Variants in RIPOR2 observed in about 807,000 individuals in gnomAD.
RIPOR2 encodes rho family-interacting cell polarization regulator 2.
In RIPOR2, 39 loss-of-function variants were observed where a neutral mutation model predicts 114.5. The observed-to-expected ratio is 0.34, with a 90% CI of 0.26 to 0.44. The LOEUF (loss-of-function observed/expected upper bound fraction) is 0.44, where lower values mean the gene tolerates loss of function less well. Ranked by LOEUF, RIPOR2 falls within the 20% of genes least tolerant of loss-of-function variation. The pLI, the probability that RIPOR2 is intolerant of heterozygous loss-of-function variation, is 1.00. For missense variants in RIPOR2, 1,007 were observed against 1,255.1 expected (o/e 0.80, Z 2.99); for synonymous variants, 445 against 484.4 (o/e 0.92, Z 1.07).
At position 24,856,529 on chromosome 6, in the gene RIPOR2, C is replaced by T. The variant is rs371492187; in HGVS notation, c.716-3911G>A. 1.3e-4 allele frequency among the ~76,000 whole-genome samples: 20 copies of T among 152,168 alleles called. 1 individual carries two copies. Among genetic ancestry groups the T allele is most frequent in the South Asian group, 1.0e-3 (5 of 4,822 alleles). ...CAGTACTTTGGGAGGCCGAGGTGGG[C>T]GGATCACCTGAGGTCAGGAGTTCGT... is the stretch of plus-strand genomic sequence containing the variant. On this transcript the variant is annotated intron_variant, in intron 8 of 21. Transcript: ENST00000643898.
upstream of RIPOR2, among the ~76,000 whole-genome samples, chr6:24,936,977 T>A (rs1048342688): frequency 6.6e-6 from 1 of 152,118 alleles, no homozygotes; most frequent in African/African-American, 2.4e-5. Context: ...AGAGAAACTG[T>A]CCCCTCCTCC....
chr6:25,014,223 T>TC (rs1246518459), intron 1 of RIPOR2, among the ~76,000 whole-genome samples: 1 of 152,188 alleles, frequency 6.6e-6, no homozygotes, highest in Non-Finnish European at 1.5e-5. Flanking sequence ...AACCGCTTGC[T>TC]TGAAGACACG....
chr6:25,025,378 C>G (rs570380218), intron 1 of RIPOR2, among the ~76,000 whole-genome samples: 1 of 152,090 alleles, frequency 6.6e-6, no homozygotes, highest in African/African-American at 2.4e-5. Flanking sequence ...TATAGAAACT[C>G]TCTGTTGAAT....
chr6:24,937,240 G>C (rs922318111), upstream of RIPOR2, among the ~76,000 whole-genome samples: 1 of 152,174 alleles, frequency 6.6e-6, no homozygotes, highest in East Asian at 1.9e-4. Flanking sequence ...CCTTAGAGGA[G>C]AGCTTGGAAA....
intron 1 of RIPOR2, among the ~76,000 whole-genome samples, chr6:25,016,867 C>A (rs987098089): frequency 5.3e-5 from 8 of 152,110 alleles, no homozygotes; most frequent in African/African-American, 1.9e-4. Flanking sequence ...GAGAAAGATC[C>A]TCTCATTGTA....
At chr6:24,852,730 C>A in intron 8 of RIPOR2, 112 bp from the exon 9 acceptor site, 1 of 763,942 alleles carries the variant, frequency 1.3e-6, no homozygotes, top group East Asian at 3.0e-5. Flanking sequence ...TGTGCAAACT[C>A]ACATAACACT....
chr6:24,979,702 G>A (rs934537686), intron 1 of RIPOR2, among the ~76,000 whole-genome samples: 1 of 152,128 alleles, frequency 6.6e-6, no homozygotes. Context: ...CATATGATGA[G>A]TTTCAATTTG....
At chr6:25,009,629 G>A (rs1431254747) in intron 1 of RIPOR2, among the ~76,000 whole-genome samples, 1 of 152,112 alleles carries the variant, frequency 6.6e-6, no homozygotes, top group Non-Finnish European at 1.5e-5. Flanking sequence ...GTAAATCAGC[G>A]GTTCAGTATG....
intron 1 of RIPOR2, among the ~76,000 whole-genome samples, chr6:25,008,999 T>C (rs1473882855): frequency 6.6e-6 from 1 of 152,252 alleles, no homozygotes; most frequent in Admixed American, 6.5e-5. Flanking sequence ...AGGACACTGA[T>C]GCAGGATGGC....
chr6:24,973,082 G>A (rs199515524), intron 1 of RIPOR2, among the ~76,000 whole-genome samples: 2 of 151,748 alleles, frequency 1.3e-5, no homozygotes, highest in Non-Finnish European at 1.5e-5. Flanking sequence ...AGAAGAGAGG[G>A]AAAAAGAAAG....
chr6:24,941,513 C>A (rs1466074439), intron 1 of RIPOR2, among the ~76,000 whole-genome samples: 1 of 152,132 alleles, frequency 6.6e-6, no homozygotes, highest in Non-Finnish European at 1.5e-5. Flanking sequence ...TAATAATAAT[C>A]AATTACTGAG....
At chr6:24,997,829 C>T (rs1341935799) in intron 1 of RIPOR2, among the ~76,000 whole-genome samples, 1 of 152,140 alleles carries the variant, frequency 6.6e-6, no homozygotes, top group African/African-American at 2.4e-5. Context: ...AAGTGTGGCC[C>T]GTGAGCAGCA....
chr6:24,849,859 A>G lies in RIPOR2; in HGVS notation c.977T>C (p.Val326Ala). The G allele has an allele frequency of 6.2e-7, 1 of 1,613,876 alleles. No homozygotes were observed. Among genetic ancestry groups the G allele is most frequent in the Non-Finnish European group, 8.5e-7 (1 of 1,179,772 alleles). Residue 326 changes from valine (V) to alanine (A), a missense_variant, in exon 11 of 22, where the codon GTG becomes GCG. Physicochemically the swap from Val to Ala is moderately conservative, Grantham distance 64. Coordinates refer to ENST00000643898, the MANE Select transcript of RIPOR2 (RefSeq NM_001286445.3). ...KELFAARPQV[V>A]AVDINDLGTI... ...ACCAAGGTCATTGATGTCGACAGCCACTACCTGAGGTCGGGCTGCAAACAG... is the reference window on the plus strand; with the variant it reads ...ACCAAGGTCATTGATGTCGACAGCCGCTACCTGAGGTCGGGCTGCAAACAG...
intron 1 of RIPOR2, among the ~76,000 whole-genome samples, chr6:25,033,297 T>C (rs1439545634): frequency 2.0e-5 from 3 of 152,224 alleles, no homozygotes; most frequent in African/African-American, 7.2e-5. Context: ...TCTATTAACA[T>C]CATTGTTTAT....
intron 1 of RIPOR2, among the ~76,000 whole-genome samples, chr6:24,922,587 C>T (rs1030204367): frequency 1.3e-5 from 2 of 151,816 alleles, no homozygotes; most frequent in African/African-American, 4.8e-5. Flanking sequence ...GGGCCAGGCA[C>T]GGTGGCTCAC....
chr6:24,931,024 T>C (rs1771350760), intron 1 of RIPOR2, among the ~76,000 whole-genome samples: 2 of 152,252 alleles, frequency 1.3e-5, no homozygotes. Flanking sequence ...CTCTTACTTT[T>C]TCCATGGAGG....
intron 6 of RIPOR2, among the ~76,000 whole-genome samples, chr6:24,866,213 CA>C (rs1377449063): frequency 6.6e-6 from 1 of 152,032 alleles, no homozygotes; most frequent in Admixed American, 6.6e-5. Context: ...GTGACAATTA[CA>C]AAAAAATAAA....
At chr6:24,961,104 A>G (rs974185392) in intron 1 of RIPOR2, among the ~76,000 whole-genome samples, 1 of 152,190 alleles carries the variant, frequency 6.6e-6, no homozygotes, top group Non-Finnish European at 1.5e-5. Context: ...AAACACCACC[A>G]TCCTCAGTAA....
At chr6:24,983,355 T>C (rs949195168) in intron 1 of RIPOR2, among the ~76,000 whole-genome samples, 2 of 152,146 alleles carry the variant, frequency 1.3e-5, no homozygotes, top group Non-Finnish European at 2.9e-5. Context: ...AATATATGTG[T>C]ATACACAAGG....
Sources: gnomAD v4.1 joint callset for allele counts (sites outside exome capture counted in the v4.1 genomes callset) on GRCh38, gnomAD v4.1.1 for gene constraint, MANE v1.5 for transcripts, NCBI Gene and HGNC (gene_info 2026-07-23, HGNC 2026-07-21) for gene names.